MYO3B: variants seen among roughly 807,000 people sequenced by gnomAD.
MYO3B encodes myosin IIIB, also known as myosin-IIIb.
In MYO3B, 156 loss-of-function variants were observed where a neutral mutation model predicts 174.6. That is an observed-to-expected ratio of 0.89 (90% CI 0.78 to 1.02). The LOEUF (loss-of-function observed/expected upper bound fraction) is 1.02, where lower values mean the gene tolerates loss of function less well. Among genes scored for constraint, MYO3B ranks in the 50% least tolerant of loss-of-function variants. The probability of loss-of-function intolerance (pLI) is 0.00; values close to 1 mark genes in which losing one functional copy is unlikely to be tolerated. For synonymous variants in MYO3B, 563 were observed against 569.1 expected (o/e 0.99, Z 0.15); for missense variants, 1,632 against 1,639.4 (o/e 1.00, Z 0.08).
chr2:170,533,425 T>TGG (rs10706524), intron 30 of MYO3B, among the ~76,000 whole-genome samples: 60 of 115,724 alleles, frequency 5.2e-4, no homozygotes, highest in Middle Eastern at 4.4e-3. Context: ...TTTGTGGGGG[T>TGG]GGGGGGGGGG....
rs182639467 is a variant in MYO3B at position 170,514,529 on chromosome 2, G to A, written c.3371-392G>A. 1.3e-3 allele frequency among the ~76,000 whole-genome samples: 196 copies of A among 152,308 alleles called. 1 individual carries two copies. The highest frequency in any genetic ancestry group is 3.1e-3 in the South Asian group (15 of 4,822). On this transcript the variant is annotated intron_variant, in intron 28 of 34. Transcript: ENST00000408978. ...CCTTCTGTTTACTTCCCTGGTAGTG[G>A]CAACTGAAAGACAGCAGGAAAGCTA... is the stretch of plus-strand genomic sequence containing the variant.
chr2:170,277,521 G>A (rs1574702685), intron 7 of MYO3B, among the ~76,000 whole-genome samples: 1 of 152,102 alleles, frequency 6.6e-6, no homozygotes, highest in East Asian at 1.9e-4. Context: ...AGAACTCACT[G>A]GGCACTGCTT....
chr2:170,626,633 T>C (rs1436256276), intron 32 of MYO3B, among the ~76,000 whole-genome samples: 2 of 151,912 alleles, frequency 1.3e-5, no homozygotes, highest in African/African-American at 4.9e-5. Flanking sequence ...ATGCAGTTTC[T>C]TCCGAGGATA....
In MYO3B at chr2:170,335,081, T is replaced by C. The variant is rs201554102; in HGVS notation, c.750-304T>C. On this transcript the variant is annotated intron_variant, in intron 7 of 34. Transcript: ENST00000408978. ...GCACTAATAATCCTCAGCTCTGTTA[T>C]AGTAGTTTGTGTGCTTGCCTCACCC... 3.9e-5 allele frequency among the ~76,000 whole-genome samples: 6 copies of C among 152,298 alleles called. No homozygotes were observed. In the East Asian group the frequency reaches 9.6e-4, roughly 24 times the overall value.
intron 22 of MYO3B, among the ~76,000 whole-genome samples, chr2:170,436,973 A>G (rs959811456): frequency 6.6e-6 from 1 of 152,184 alleles, no homozygotes; most frequent in Non-Finnish European, 1.5e-5. Flanking sequence ...CCTAATGTGA[A>G]ATGAATAGTT....
At chr2:170,257,715 T>C (rs2093316177) in intron 7 of MYO3B, among the ~76,000 whole-genome samples, 5 of 151,674 alleles carry the variant, frequency 3.3e-5, no homozygotes, top group African/African-American at 4.8e-5. Context: ...TAGCAGAAGA[T>C]AAGAAATAAC....
intron 32 of MYO3B, among the ~76,000 whole-genome samples, chr2:170,619,160 C>G (rs2105323247): frequency 6.6e-6 from 1 of 152,260 alleles, no homozygotes; most frequent in East Asian, 1.9e-4. Flanking sequence ...TGGACAGGCG[C>G]CCCACCCCCA....
chr2:170,629,607 T>C (rs1327711188), intron 32 of MYO3B, among the ~76,000 whole-genome samples: 1 of 152,202 alleles, frequency 6.6e-6, no homozygotes, highest in African/African-American at 2.4e-5. Context: ...CCTAACACTT[T>C]GGGAGGCCAA....
chr2:170,490,032 C>T (rs181950652), intron 25 of MYO3B, among the ~76,000 whole-genome samples: 11,775 of 139,412 alleles, frequency 0.084, 1,358 homozygotes, highest in African/African-American at 0.26. Flanking sequence ...TCTTTTCTTT[C>T]TTTTTTTTTT....
chr2:170,651,607 A>AAAGT, intron 32 of MYO3B, 21 bp from the exon 33 acceptor site: 1 of 1,610,016 alleles, frequency 6.2e-7, no homozygotes, highest in South Asian at 1.1e-5. Flanking sequence ...AGTTTACAGC[A>AAAGT]AAGTTTTGCT....
intron 8 of MYO3B, among the ~76,000 whole-genome samples, chr2:170,367,624 C>T (rs75661423): frequency 0.026 from 3,906 of 152,200 alleles, 66 homozygotes; most frequent in South Asian, 0.044. Context: ...CTCTTGGGTT[C>T]CCTCTTTTTT....
At chr2:170,550,873 A>G (rs1690831662) in intron 32 of MYO3B, among the ~76,000 whole-genome samples, 1 of 152,132 alleles carries the variant, frequency 6.6e-6, no homozygotes, top group Non-Finnish European at 1.5e-5. Flanking sequence ...ATCATTTTCT[A>G]AAATTATTAG....
chr2:170,317,311 C>T (rs1394655325), intron 7 of MYO3B, among the ~76,000 whole-genome samples: 1 of 151,952 alleles, frequency 6.6e-6, no homozygotes, highest in Non-Finnish European at 1.5e-5. Flanking sequence ...AAGTCTGTTT[C>T]CCAAATTCTA....
Position 170,414,862 on chromosome 2 carries a change from TTTAG to T in MYO3B, c.2650+7022_2650+7025del, listed in dbSNP as rs1247560609. Among the ~76,000 whole-genome samples the T allele has an allele frequency of 3.9e-5, 6 of 152,336 alleles. No individual in the cohort carries two copies. The South Asian group carries it at 8.3e-4, about 21-fold the overall frequency. On this transcript the variant is annotated intron_variant, in intron 22 of 34. Coordinates refer to ENST00000408978, the MANE Select transcript of MYO3B (RefSeq NM_138995.5). ...GTATAAATGGGTTTTTTATTTTGAT[TTTAG>T]TTATTCATTGCTAATATGTAGAAAT...
intron 30 of MYO3B, among the ~76,000 whole-genome samples, chr2:170,537,223 CA>C (rs1689767683): frequency 1.6e-5 from 2 of 121,414 alleles, no homozygotes; most frequent in African/African-American, 6.6e-5. Flanking sequence ...AAACAAAAAA[CA>C]AAAAGTATCC....
chr2:170,254,193 G>A (rs767356671), intron 7 of MYO3B, among the ~76,000 whole-genome samples: 6 of 152,140 alleles, frequency 3.9e-5, no homozygotes, highest in Admixed American at 6.5e-5. Context: ...TGGGATCCCA[G>A]CTAGAAAAGA....
chr2:170,289,201 A>G (rs2093578530), intron 7 of MYO3B, among the ~76,000 whole-genome samples: 1 of 152,088 alleles, frequency 6.6e-6, no homozygotes, highest in South Asian at 2.1e-4. Context: ...TGTTTTTGGT[A>G]TCAAGGTGAT....
chr2:170,637,933 A>G (rs1192969660), intron 32 of MYO3B, among the ~76,000 whole-genome samples: 3 of 152,166 alleles, frequency 2.0e-5, no homozygotes, highest in African/African-American at 7.2e-5. Flanking sequence ...TTTTTTGAAG[A>G]TTAAGACTGA....
At chr2:170,632,610 G>A (rs1458720232) in intron 32 of MYO3B, among the ~76,000 whole-genome samples, 7 of 152,126 alleles carry the variant, frequency 4.6e-5, no homozygotes, top group African/African-American at 1.7e-4. Context: ...AAAGCTAGCG[G>A]AAGCCAAGAA....
Sources: gnomAD v4.1 joint callset for allele counts (sites outside exome capture counted in the v4.1 genomes callset) on GRCh38, gnomAD v4.1.1 for gene constraint, MANE v1.5 for transcripts, NCBI Gene and HGNC (gene_info 2026-07-23, HGNC 2026-07-21) for gene names.